Variants in CLIC5 observed in about 807,000 individuals in gnomAD.
CLIC5 encodes CLIC family member 5.
Under a neutral mutation model 24.7 loss-of-function variants are expected in CLIC5, and 20 were observed. The observed-to-expected ratio is 0.81, with a 90% CI of 0.57 to 1.18. The LOEUF is 1.18. Among genes scored for constraint, CLIC5 ranks in the 50% most tolerant of loss-of-function variants. The pLI is 0.00. For missense variants in CLIC5, 341 were observed against 326.1 expected, an observed-to-expected ratio of 1.05 and a Z score of -0.35; for synonymous variants, 159 against 135.6, an observed-to-expected ratio of 1.17 and a Z score of -1.20.
At chr6:46,053,958 T>C (rs1373890804) in intron 1 of CLIC5, among the ~76,000 whole-genome samples, 1 of 152,156 alleles carries the variant, frequency 6.6e-6, no homozygotes, top group African/African-American at 2.4e-5. Context: ...CAAGAAACTG[T>C]CCAAAGTTAT....
chr6:45,881,224 C>A (rs1762260201), intron 6 of CLIC5: 3 of 397,878 alleles, frequency 7.5e-6, no homozygotes, highest in Non-Finnish European at 1.3e-5. Context: ...TGAGTTGGAG[C>A]CAATTTAATG....
At chr6:46,052,760 T>A (rs1345996498) in intron 1 of CLIC5, among the ~76,000 whole-genome samples, 2 of 151,736 alleles carry the variant, frequency 1.3e-5, no homozygotes, top group Non-Finnish European at 2.9e-5. Context: ...GGCCTCTACA[T>A]GGAAAGTTCC....
intron 1 of CLIC5, among the ~76,000 whole-genome samples, chr6:46,034,487 A>G (rs1018747197): frequency 1.3e-5 from 2 of 152,210 alleles, no homozygotes; most frequent in Admixed American, 1.3e-4. Context: ...CTGTAACCTC[A>G]GCACTTTGGG....
chr6:45,968,994 A>G (rs1765105892), intron 1 of CLIC5, among the ~76,000 whole-genome samples: 1 of 152,234 alleles, frequency 6.6e-6, no homozygotes, highest in Non-Finnish European at 1.5e-5. Flanking sequence ...TTTAAAGTGA[A>G]TAAATTAGAA....
At chr6:46,030,477 C>T (rs1293937362) in intron 1 of CLIC5, among the ~76,000 whole-genome samples, 1 of 152,156 alleles carries the variant, frequency 6.6e-6, no homozygotes, top group East Asian at 1.9e-4. Context: ...CCATCCTTCT[C>T]TTGGTAGCCA....
chr6:45,910,603 C>T (rs1307553956), intron 5 of CLIC5, among the ~76,000 whole-genome samples: 1 of 152,116 alleles, frequency 6.6e-6, no homozygotes, highest in African/African-American at 2.4e-5. Context: ...CTTTATAATC[C>T]ACAGTTCTTT....
At chr6:46,009,983 T>C (rs1441219687) in intron 1 of CLIC5, among the ~76,000 whole-genome samples, 1 of 152,078 alleles carries the variant, frequency 6.6e-6, no homozygotes, top group Non-Finnish European at 1.5e-5. Flanking sequence ...AGCAGTCCAG[T>C]CAGAGGCAGT....
rs576805522 is a variant in CLIC5, at chr6:45,898,952, A to G, written c.*4136T>C. On this transcript the variant is annotated 3_prime_UTR_variant, in exon 6 of 6. Transcript: ENST00000339561. ...AATAGCCCAAACCTTATATTGAGGC[A>G]ACGTATTTTATTTATTTTTGGTTGC... 6.6e-6 allele frequency: 1 copy of G among 152,374 alleles called. No individual in the cohort carries two copies. Among genetic ancestry groups the G allele is most frequent in the South Asian group, 2.1e-4 (1 of 4,828 alleles). The allele number at this position is 152,374 out of a possible 1,614,324, so 9.4% of individuals were successfully genotyped here.
chr6:45,956,665 T>C (rs1412424277), intron 1 of CLIC5, among the ~76,000 whole-genome samples: 1 of 152,192 alleles, frequency 6.6e-6, no homozygotes, highest in Non-Finnish European at 1.5e-5. Flanking sequence ...GGCTCAGGTT[T>C]ATAATGGAAA....
rs766148151 is a variant in CLIC5 at position 45,914,288 on chromosome 6, C to T, written c.528G>A (p.Leu176=). 1.9e-6 allele frequency: 3 copies of T among 1,608,970 alleles called. No individual in the cohort carries two copies. The highest frequency in any genetic ancestry group is 2.7e-5 in the African/African-American group (2 of 74,988). ...GEDKGSRRKF[L]DGDELTLADC... is the part of the protein sequence containing the mutation. The stretch of plus-strand genomic sequence containing the variant: ...CAGCCAGGGTCAGCTCATCCCCATC[C>T]AGGAACTTGCGCCGGGACCCCTTGT... Residue 176 remains leucine (L), a synonymous_variant, in exon 5 of 6, where the codon CTG becomes CTA. Transcript: ENST00000339561.
rs556391661 is a variant in CLIC5 at position 45,999,963 on chromosome 6, G to A, written c.63+15517C>T. Among the ~76,000 whole-genome samples, 20 of 31,128 alleles carry A rather than the reference G, an allele frequency of 6.4e-4. 7 individuals are homozygous for A. The highest frequency in any genetic ancestry group is 2.6e-3 in the African/African-American group (18 of 6,994). The allele number at this position is 31,128 out of a possible 152,430, so 20.4% of individuals were successfully genotyped here. A position where few individuals can be genotyped will look rare whatever the true frequency, so the allele number is the denominator to read the frequency against. On this transcript the variant is annotated intron_variant, in intron 1 of 5. Transcript: ENST00000339561. ...GACGGGGTTTCACCTTGTTAGCCAG[G>A]ATGGTCTCGATCTCCTGACCTCATG...
At chr6:46,118,435 C>A in the CLIC5 span, among the ~76,000 whole-genome samples, 1 of 152,092 alleles carries the variant, frequency 6.6e-6, no homozygotes, top group Admixed American at 6.5e-5. Flanking sequence ...TGAAAGGGGG[C>A]ACAATGAATA....
chr6:46,087,817 C>T, the CLIC5 span, among the ~76,000 whole-genome samples: 48 of 152,274 alleles, frequency 3.2e-4, no homozygotes, highest in South Asian at 9.1e-3. Flanking sequence ...CAGGGTGTTG[C>T]AGATAAAGAC....
At chr6:46,076,626 G>T (rs80283720) in intron 1 of CLIC5, among the ~76,000 whole-genome samples, 1 of 152,136 alleles carries the variant, frequency 6.6e-6, no homozygotes, top group Non-Finnish European at 1.5e-5. Flanking sequence ...GACACCTTGA[G>T]TTTAGCCCCA....
chr6:45,886,056 C>T (rs1282984592), intron 6 of CLIC5, among the ~76,000 whole-genome samples: 1 of 152,130 alleles, frequency 6.6e-6, no homozygotes, highest in Non-Finnish European at 1.5e-5. Flanking sequence ...AGATGAAACC[C>T]CAAATGAGCT....
At chr6:46,073,952 T>C (rs1762692208) in intron 1 of CLIC5, among the ~76,000 whole-genome samples, 1 of 152,214 alleles carries the variant, frequency 6.6e-6, no homozygotes, top group Non-Finnish European at 1.5e-5. Flanking sequence ...ATGCACTAAA[T>C]GTGTTGCTTA....
chr6:46,040,567 G>C (rs2127460201), intron 1 of CLIC5, among the ~76,000 whole-genome samples: 1 of 152,060 alleles, frequency 6.6e-6, no homozygotes, highest in Non-Finnish European at 1.5e-5. Context: ...TGATAATGAT[G>C]CTGATGGTGG....
Position 46,079,699 on chromosome 6 carries a change from T to G in CLIC5, c.540+4A>C, listed in dbSNP as rs1305966973. ...AGGGTATGCCTGTCAGAGGCAGACCTTACCTTCACAAAGAGGTAAATCTCA... is the reference window on the plus strand; with the variant it reads ...AGGGTATGCCTGTCAGAGGCAGACCGTACCTTCACAAAGAGGTAAATCTCA... On this transcript the variant is annotated splice_donor_region_variant and intron_variant, in intron 1 of 5. Coordinates refer to the CLIC5 transcript ENST00000185206. The G allele has an allele frequency of 2.6e-6, 4 of 1,549,754 alleles. 1 individual carries two copies. The South Asian group carries it at 4.8e-5, about 18-fold the overall frequency.
chr6:46,060,398 T>C (rs1762217170), intron 1 of CLIC5, among the ~76,000 whole-genome samples: 1 of 152,000 alleles, frequency 6.6e-6, no homozygotes. Flanking sequence ...TAAATACAAG[T>C]AAAAACAATC....
Sources: gnomAD v4.1 joint callset for allele counts (sites outside exome capture counted in the v4.1 genomes callset) on GRCh38, gnomAD v4.1.1 for gene constraint, MANE v1.5 for transcripts, NCBI Gene and HGNC (gene_info 2026-07-23, HGNC 2026-07-21) for gene names.